HYDIN: variants seen among roughly 807,000 people sequenced by gnomAD.
HYDIN encodes axonemal central pair apparatus protein HYDIN.
Under a neutral mutation model 403.9 loss-of-function variants are expected in HYDIN, and 132 were observed. The observed-to-expected ratio is 0.33, with a 90% confidence interval of 0.28 to 0.38. HYDIN has a LOEUF of 0.38. Ranked by LOEUF, HYDIN falls within the 10% of genes least tolerant of loss-of-function variation. HYDIN has a pLI of 1.00. For synonymous variants in HYDIN, 1,202 were observed against 1,891.7 expected (o/e 0.64, Z 9.46); for missense variants, 2,827 against 5,009.5 (o/e 0.56, Z 13.15).
intron 30 of HYDIN, among the ~76,000 whole-genome samples, chr16:70,978,590 T>C (rs1304349671): frequency 1.3e-5 from 2 of 152,206 alleles, no homozygotes; most frequent in Non-Finnish European, 2.9e-5. Context: ...CAGAGGGATC[T>C]CTTAAAGATG....
intron 3 of HYDIN, among the ~76,000 whole-genome samples, chr16:71,184,421 C>T (rs1248005769): frequency 6.6e-6 from 1 of 152,038 alleles, no homozygotes. Flanking sequence ...TCTTTAGAGA[C>T]AAAAGGATAT....
At chr16:70,837,062 T>G (rs2037476626) in intron 77 of HYDIN, among the ~76,000 whole-genome samples, 3 of 152,206 alleles carry the variant, frequency 2.0e-5, no homozygotes, top group Admixed American at 6.5e-5. Flanking sequence ...TCCAAAACCT[T>G]CTATTAAAAT....
Position 70,850,506 on chromosome 16 carries a change from C to T in HYDIN, c.12593G>A (p.Arg4198Lys), listed in dbSNP as rs1253085529. 1 of 1,605,732 alleles carries T rather than the reference C, an allele frequency of 6.2e-7. No homozygotes were observed. Among genetic ancestry groups the T allele is most frequent in the Non-Finnish European group, 8.5e-7 (1 of 1,175,640 alleles). ...AGTCAACAGAGTGATGGAGCCTGTC[C>T]TGTCCTTGCACTTGATCTCCACATT... Reference protein sequence around the residue: ...TMNVEIKCKDRTGSITLLTPN... With the variant: ...TMNVEIKCKDKTGSITLLTPN... The change falls in exon 74 of 86, where the codon AGG (arginine) becomes AAG (lysine). Residue 4198 changes from arginine to lysine, a missense_variant. Physicochemically the swap from Arg to Lys is conservative, Grantham distance 26 (BLOSUM62 2). Transcript: ENST00000393567.
intron 1 of HYDIN, among the ~76,000 whole-genome samples, chr16:71,198,849 G>A (rs184434921): frequency 5.7e-4 from 87 of 152,230 alleles, no homozygotes; most frequent in Middle Eastern, 3.4e-3. Flanking sequence ...GTTGGTAATC[G>A]GTGCACAGTG....
At chr16:71,090,064 G>A (rs2144370361) in intron 11 of HYDIN, 1 of 106,484 alleles carries the variant, frequency 9.4e-6, no homozygotes, top group South Asian at 3.8e-4. Flanking sequence ...CAGAGCAGAG[G>A]AAGACAGCCT....
intron 41 of HYDIN, 70 bp from the exon 42 acceptor site, chr16:70,944,019 C>T: frequency 1.7e-6 from 2 of 1,159,578 alleles, no homozygotes; most frequent in Non-Finnish European, 1.3e-6. Flanking sequence ...CACTTACCAG[C>T]CACAGGACCT....
chr16:70,946,473 C>T (rs994470488), intron 41 of HYDIN, among the ~76,000 whole-genome samples: 2 of 152,004 alleles, frequency 1.3e-5, no homozygotes, highest in African/African-American at 4.8e-5. Context: ...TGAGAGTCTT[C>T]CCCAGCTATG....
At chr16:71,033,646 G>C (rs1241270058) in intron 18 of HYDIN, among the ~76,000 whole-genome samples, 2 of 151,888 alleles carry the variant, frequency 1.3e-5, no homozygotes, top group East Asian at 1.9e-4. Context: ...GGGGGCAGGG[G>C]GGAGAGCATC....
chr16:71,224,181 A>C (rs147011272), intron 1 of HYDIN, among the ~76,000 whole-genome samples: 37 of 152,342 alleles, frequency 2.4e-4, no homozygotes, highest in Non-Finnish European at 5.1e-4. Flanking sequence ...TTCTAAGTGA[A>C]GTAACCCAGG....
At chr16:70,865,349 G>A (rs2039683213) in intron 67 of HYDIN, 1 of 436,080 alleles carries the variant, frequency 2.3e-6, no homozygotes, top group Non-Finnish European at 4.6e-6. Flanking sequence ...TTTGCTTCAT[G>A]CACATGACAT....
chr16:71,228,761 A>T (rs1400999282), intron 1 of HYDIN, among the ~76,000 whole-genome samples: 1 of 152,216 alleles, frequency 6.6e-6, no homozygotes, highest in African/African-American at 2.4e-5. Context: ...TTCCCCAAGG[A>T]TCTAGAATTA....
At chr16:70,847,242 A>G (rs2038276322) in intron 75 of HYDIN, among the ~76,000 whole-genome samples, 1 of 152,134 alleles carries the variant, frequency 6.6e-6, no homozygotes, top group Non-Finnish European at 1.5e-5. Flanking sequence ...TACCACACAA[A>G]TTGCATCTTT....
chr16:70,886,072 ATTTG>A (rs1270488536), intron 58 of HYDIN, among the ~76,000 whole-genome samples: 4 of 148,724 alleles, frequency 2.7e-5, no homozygotes, highest in Admixed American at 6.6e-5. Flanking sequence ...AATATGCCAT[ATTTG>A]TTTAAACCAC....
chr16:70,934,045 G>T (rs1467647977), intron 45 of HYDIN, among the ~76,000 whole-genome samples: 1 of 152,164 alleles, frequency 6.6e-6, no homozygotes, highest in Non-Finnish European at 1.5e-5. Flanking sequence ...GCCAGAAAGG[G>T]CGGACCAGGA....
rs563482605 is a variant in HYDIN at position 70,862,032 on chromosome 16, G to A, written c.11777+16C>T. ...TGCCTGCCAAGAAGGGTGTTGTGGC[G>A]AGCACATTTTCTTACTGGCAGAAAA... On this transcript the variant is annotated intron_variant, in intron 69 of 85. Transcript: ENST00000393567. 33 of 1,548,866 alleles carry A rather than the reference G, an allele frequency of 2.1e-5. No individual in the cohort carries two copies. The highest frequency in any genetic ancestry group is 3.5e-4 in the Middle Eastern group (2 of 5,636).
rs751027958 is a variant in HYDIN, at chr16:70,879,579, G to C, written c.10367+26C>G. On this transcript the variant is annotated intron_variant, in intron 61 of 85. Coordinates refer to ENST00000393567, the MANE Select transcript of HYDIN (RefSeq NM_001270974.2). ...TGGCCTGCAGTCCTGCTGCAGGAGA[G>C]GGAGCTGGGAGCTGGGAGTTGGTAC... 13 of 1,612,484 alleles carry C rather than the reference G, an allele frequency of 8.1e-6. No homozygotes were observed. The South Asian group carries it at 1.1e-4, about 14-fold the overall frequency.
At chr16:71,019,233 T>C (rs1156774704) in intron 22 of HYDIN, among the ~76,000 whole-genome samples, 1 of 152,270 alleles carries the variant, frequency 6.6e-6, no homozygotes, top group Non-Finnish European at 1.5e-5. Context: ...CCACATTTAA[T>C]GGGCATGAAA....
chr16:70,872,730 T>C (rs1262646518), intron 64 of HYDIN, among the ~76,000 whole-genome samples: 5 of 88,796 alleles, frequency 5.6e-5, no homozygotes, highest in Non-Finnish European at 8.7e-5. Flanking sequence ...ATCCATCCAT[T>C]ATCCACCCTC....
At chr16:71,192,386 T>C (rs752583791) in intron 1 of HYDIN, among the ~76,000 whole-genome samples, 3 of 152,160 alleles carry the variant, frequency 2.0e-5, no homozygotes, top group Non-Finnish European at 4.4e-5. Flanking sequence ...ACAGTGACCT[T>C]TCCAAAGGGA....
Sources: allele counts gnomAD v4.1 joint callset (sites outside exome capture counted in the v4.1 genomes callset), GRCh38; gene constraint gnomAD v4.1.1; transcripts MANE v1.5; gene names NCBI Gene and HGNC (gene_info 2026-07-23, HGNC 2026-07-21).